The following PCLO variants were observed in gnomAD, a reference collection of about 807,000 sequenced individuals.
The protein encoded by PCLO is piccolo presynaptic cytomatrix protein, also known as protein piccolo.
A neutral mutation model predicts 427.5 loss-of-function variants in PCLO; 82 were observed. The ratio of observed to expected loss-of-function variants is 0.19; its 90% confidence interval spans 0.16 to 0.23. The LOEUF (loss-of-function observed/expected upper bound fraction) is 0.23. Among genes scored for constraint, PCLO ranks in the 10% least tolerant of loss-of-function variants. PCLO has a pLI of 1.00. For synonymous variants in PCLO, 2,357 were observed against 2,155.4 expected (o/e 1.09, Z -2.59); for missense variants, 6,239 against 6,115.9 (o/e 1.02, Z -0.67).
intron 20 of PCLO, among the ~76,000 whole-genome samples, chr7:82,819,497 T>A (rs1387691606): frequency 1.3e-5 from 2 of 152,104 alleles, no homozygotes; most frequent in Non-Finnish European, 2.9e-5. Flanking sequence ...AGAACGTGAA[T>A]AACATGAAGA....
intron 3 of PCLO, among the ~76,000 whole-genome samples, chr7:83,080,027 C>T (rs1790055994): frequency 6.6e-6 from 1 of 152,082 alleles, no homozygotes; most frequent in Non-Finnish European, 1.5e-5. Flanking sequence ...CCAGCTCCAT[C>T]ATGTCCCTGC....
chr7:83,058,535 A>G (rs1789459191), intron 3 of PCLO, among the ~76,000 whole-genome samples: 1 of 152,332 alleles, frequency 6.6e-6, no homozygotes, highest in South Asian at 2.1e-4. Context: ...CCATATATCA[A>G]TACAGATCAA....
intron 20 of PCLO, among the ~76,000 whole-genome samples, chr7:82,811,589 T>C (rs1196304356): frequency 1.3e-5 from 2 of 151,642 alleles, no homozygotes; most frequent in Admixed American, 6.6e-5. Flanking sequence ...GTATGTTTTC[T>C]ATTACAGTTC....
chr7:83,105,395 G>C (rs540674199), intron 3 of PCLO, among the ~76,000 whole-genome samples: 23 of 152,248 alleles, frequency 1.5e-4, no homozygotes, highest in African/African-American at 5.3e-4. Context: ...ATATCCCTGC[G>C]TATTAGCTAT....
intron 3 of PCLO, among the ~76,000 whole-genome samples, chr7:83,037,493 G>A (rs1788824668): frequency 1.3e-5 from 2 of 151,890 alleles, no homozygotes; most frequent in Non-Finnish European, 2.9e-5. Flanking sequence ...AAGAACATCA[G>A]AAAGTGTACT....
chr7:82,871,612 C>A (rs1793240083), intron 10 of PCLO, among the ~76,000 whole-genome samples: 1 of 151,806 alleles, frequency 6.6e-6, no homozygotes, highest in African/African-American at 2.4e-5. Context: ...TTTAAGTGTT[C>A]CCAACACAAA....
intron 6 of PCLO, among the ~76,000 whole-genome samples, chr7:82,919,603 C>T (rs1191016692): frequency 6.6e-6 from 1 of 151,744 alleles, no homozygotes; most frequent in African/African-American, 2.4e-5. Flanking sequence ...AGATTGGATG[C>T]CCACTGAGAA....
At chr7:83,021,489 T>A (rs1019864099) in intron 3 of PCLO, among the ~76,000 whole-genome samples, 9 of 152,280 alleles carry the variant, frequency 5.9e-5, no homozygotes, top group East Asian at 1.9e-4. Flanking sequence ...GGTTTTTTTT[T>A]AATCTGTTTA....
chr7:82,821,013 TA>T, intron 20 of PCLO: 1 of 1,215,510 alleles, frequency 8.2e-7, no homozygotes, highest in African/African-American at 1.6e-5. Context: ...AAAAAGTGGA[TA>T]AACATATTTT....
At chr7:82,891,558 A>AC (rs199966121) in intron 9 of PCLO, among the ~76,000 whole-genome samples, 3,105 of 152,172 alleles carry the variant, frequency 0.02, 113 homozygotes, top group African/African-American at 0.071. Flanking sequence ...CCTAGCCAGA[A>AC]CTTCCAACAC....
In PCLO at chr7:82,951,337, G is replaced by A; in HGVS notation, c.9251C>T (p.Ser3084Leu). 2 of 1,610,318 alleles carry A rather than the reference G, an allele frequency of 1.2e-6. No individual in the cohort carries two copies. Among genetic ancestry groups the A allele is most frequent in the Non-Finnish European group, 1.7e-6 (2 of 1,178,206 alleles). The part of the protein sequence containing the change: ...PQYCVGSVLR[S>L]SNGVVYSSVA... ...TGAAGAATAGACAACACCATTAGAT[G>A]ACCTCAAAACACTCCCCACACAATA... is the stretch of plus-strand genomic sequence containing the variant. Residue 3084 changes from serine (S) to leucine (L), a missense_variant, in exon 6 of 25, where the codon TCA (serine) becomes TTA (leucine). By Grantham distance (145) the Ser-to-Leu change is moderately radical. Transcript: ENST00000333891.
At chr7:83,081,983 G>A (rs9656535) in intron 3 of PCLO, among the ~76,000 whole-genome samples, 42,705 of 151,158 alleles carry the variant, frequency 0.28, 7,102 homozygotes, top group East Asian at 0.56. Context: ...ACCATTAAAC[G>A]GGAACAAGAA....
At position 82,760,659 on chromosome 7, in the gene PCLO, G is replaced by A. The variant is rs1790410711; in HGVS notation, c.15268C>T (p.Pro5090Ser). 1 of 1,603,514 alleles carries A rather than the reference G, an allele frequency of 6.2e-7. No individual in the cohort carries two copies. Among genetic ancestry groups the A allele is most frequent in the Non-Finnish European group, 8.5e-7 (1 of 1,175,046 alleles). Residue 5090 changes from proline (P) to serine (S), a missense_variant, in exon 24 of 25, where the codon CCT becomes TCT. Transcript: ENST00000333891. ...GCTACCTGAAGAGAATGTCCTGCAG[G>A]ACTTAGACTGAATCGAAAAGTTTCA... is the stretch of plus-strand genomic sequence containing the variant. Reference protein sequence around the residue: ...FNETFRFSLSPAGHSLQILLF... With the variant: ...FNETFRFSLSSAGHSLQILLF...
rs751713128 is a variant in PCLO, at chr7:82,955,487, C to T, written c.5466G>A (p.Arg1822=). The T allele has an allele frequency of 1.2e-6, 2 of 1,613,700 alleles. No homozygotes were observed. Among genetic ancestry groups the T allele is most frequent in the South Asian group, 2.2e-5 (2 of 91,034 alleles). The part of the protein sequence containing the change: ...DELRAQRRRE[R]PKTPPSNLSP... ...AGAGATTACTAGGTGGTGTCTTTGG[C>T]CTTTCCCTTCTTCTCTGAGCTCGAA... The change falls in exon 5 of 25, where the codon AGG becomes AGA. Residue 1822 remains arginine (R), a synonymous_variant. Coordinates refer to ENST00000333891, the MANE Select transcript of PCLO (RefSeq NM_033026.6).
intron 6 of PCLO, among the ~76,000 whole-genome samples, chr7:82,932,836 T>C (rs569698817): frequency 6.6e-6 from 1 of 152,224 alleles, no homozygotes; most frequent in Non-Finnish European, 1.5e-5. Context: ...TTATGATTTC[T>C]TTTATATTTC....
At chr7:83,149,857 A>C (rs758494238) in intron 2 of PCLO, among the ~76,000 whole-genome samples, 1 of 152,234 alleles carries the variant, frequency 6.6e-6, no homozygotes, top group Non-Finnish European at 1.5e-5. Flanking sequence ...AAGTGGAGAA[A>C]GTTTATATGA....
rs751365179 is a variant in PCLO at position 82,954,136 on chromosome 7, T to C, written c.6817A>G (p.Ile2273Val). The C allele has an allele frequency of 1.4e-5, 23 of 1,613,810 alleles. No homozygotes were observed. Among genetic ancestry groups the C allele is most frequent in the African/African-American group, 6.7e-5 (5 of 74,930 alleles). ...VISLSDMASS[I>V]IESVVPKPEG... Reference sequence around the variant, plus strand: ...GGTTTAGGTACTACAGATTCTATGATAGAAGATGCCATATCAGATAAGGAA... The same window carrying C: ...GGTTTAGGTACTACAGATTCTATGACAGAAGATGCCATATCAGATAAGGAA... Residue 2273 changes from isoleucine (I) to valine (V), a missense_variant, in exon 5 of 25, where the codon ATC (isoleucine) becomes GTC (valine). Physicochemically the swap from Ile to Val is conservative, Grantham distance 29 (BLOSUM62 3). Transcript: ENST00000333891.
intron 3 of PCLO, among the ~76,000 whole-genome samples, chr7:83,119,280 T>G (rs536083587): frequency 3.3e-5 from 5 of 152,286 alleles, no homozygotes; most frequent in Admixed American, 2.0e-4. Flanking sequence ...GGAGTGCTTG[T>G]GTCATCCCTC....
chr7:83,047,459 T>G (rs532040199), intron 3 of PCLO, among the ~76,000 whole-genome samples: 1 of 152,174 alleles, frequency 6.6e-6, no homozygotes, highest in South Asian at 2.1e-4. Context: ...AAATATTCAT[T>G]GAAGATACTG....
Sources: allele counts gnomAD v4.1 joint callset (sites outside exome capture counted in the v4.1 genomes callset), GRCh38; gene constraint gnomAD v4.1.1; transcripts MANE v1.5; gene names NCBI Gene and HGNC (gene_info 2026-07-23, HGNC 2026-07-21).